The following CDH18 variants were observed in gnomAD, a reference collection of about 807,000 sequenced individuals.
CDH18 encodes cadherin 18.
Under a neutral mutation model 67.9 loss-of-function variants are expected in CDH18, and 31 were observed. That is an observed-to-expected ratio of 0.46 (90% CI 0.34 to 0.62). The LOEUF (loss-of-function observed/expected upper bound fraction) is 0.62. Among genes scored for constraint, CDH18 ranks in the 20% least tolerant of loss-of-function variants. The probability of loss-of-function intolerance (pLI) is 0.01; values close to 1 mark genes in which losing one functional copy is unlikely to be tolerated. For missense variants in CDH18, 890 were observed against 975.5 expected (o/e 0.91, Z 1.17); for synonymous variants, 362 against 347.2 (o/e 1.04, Z -0.48).
intron 1 of CDH18, among the ~76,000 whole-genome samples, chr5:20,393,895 G>T (rs571015945): frequency 6.6e-6 from 1 of 152,048 alleles, no homozygotes; most frequent in Admixed American, 6.6e-5. Flanking sequence ...ACTGCTGAAA[G>T]AAATCATAGA....
At chr5:20,383,622 A>G (rs1022677266) in intron 1 of CDH18, among the ~76,000 whole-genome samples, 7 of 152,254 alleles carry the variant, frequency 4.6e-5, no homozygotes, top group East Asian at 3.9e-4. Flanking sequence ...TGCTTAATTT[A>G]CTATTGTATT....
intron 2 of CDH18, among the ~76,000 whole-genome samples, chr5:19,938,507 A>T (rs1027829530): frequency 6.6e-6 from 1 of 151,546 alleles, no homozygotes; most frequent in African/African-American, 2.4e-5. Flanking sequence ...AGAATAATTA[A>T]GTAAATATTA....
At chr5:20,090,051 G>A (rs1244084989) in intron 2 of CDH18, among the ~76,000 whole-genome samples, 2 of 152,090 alleles carry the variant, frequency 1.3e-5, no homozygotes, top group Non-Finnish European at 2.9e-5. Context: ...CCCTTGGGTA[G>A]TTTAAGAGGG....
At chr5:19,521,272 C>T (rs951656348) in intron 9 of CDH18, among the ~76,000 whole-genome samples, 3 of 152,028 alleles carry the variant, frequency 2.0e-5, no homozygotes, top group East Asian at 1.9e-4. Flanking sequence ...TGTTAAGTCA[C>T]GCTCGGGGAA....
At chr5:20,500,640 G>A (rs972964435) in intron 1 of CDH18, among the ~76,000 whole-genome samples, 4 of 152,076 alleles carry the variant, frequency 2.6e-5, no homozygotes, top group African/African-American at 4.8e-5. Context: ...TGCTGTAAAT[G>A]GATTTAAAGC....
intron 3 of CDH18, among the ~76,000 whole-genome samples, chr5:19,801,296 A>G (rs1176537793): frequency 2.6e-5 from 4 of 152,202 alleles, no homozygotes; most frequent in African/African-American, 9.6e-5. Context: ...CGTATGTTTC[A>G]TTACGTTAAT....
chr5:20,334,753 TAC>T (rs35282241), intron 1 of CDH18, among the ~76,000 whole-genome samples: 7,690 of 138,134 alleles, frequency 0.056, 303 homozygotes, highest in East Asian at 0.15. Flanking sequence ...CTCTCTCTCA[TAC>T]ACACACACAC....
intron 5 of CDH18, among the ~76,000 whole-genome samples, chr5:19,664,663 T>A (rs1449621411): frequency 6.6e-6 from 1 of 151,964 alleles, no homozygotes; most frequent in Non-Finnish European, 1.5e-5. Context: ...CCATCAAAAA[T>A]CCTGGTGCCA....
intron 1 of CDH18, among the ~76,000 whole-genome samples, chr5:20,327,629 A>G (rs529347231): frequency 6.6e-6 from 1 of 152,274 alleles, no homozygotes; most frequent in African/African-American, 2.4e-5. Context: ...TATCCATCCA[A>G]GTGAAAAGAC....
intron 5 of CDH18, among the ~76,000 whole-genome samples, chr5:19,644,001 A>T (rs1754397973): frequency 6.6e-6 from 1 of 152,190 alleles, no homozygotes; most frequent in Admixed American, 6.5e-5. Flanking sequence ...AGTTAAGGGA[A>T]AACATACATA....
intron 2 of CDH18, among the ~76,000 whole-genome samples, chr5:19,928,419 C>T (rs1462448535): frequency 6.6e-6 from 1 of 152,068 alleles, no homozygotes; most frequent in Non-Finnish European, 1.5e-5. Flanking sequence ...GAATTCTACG[C>T]ATGGTCAAGA....
intron 12 of CDH18, among the ~76,000 whole-genome samples, chr5:19,475,244 C>T (rs1738248353): frequency 6.8e-6 from 1 of 147,962 alleles, no homozygotes; most frequent in African/African-American, 2.5e-5. Context: ...AGTAAGCTTA[C>T]ATTCTTATAA....
At chr5:20,350,891 T>C (rs1741115936) in intron 1 of CDH18, among the ~76,000 whole-genome samples, 1 of 152,046 alleles carries the variant, frequency 6.6e-6, no homozygotes, top group African/African-American at 2.4e-5. Flanking sequence ...AGTTTCTTCA[T>C]AATGAAAGAG....
intron 5 of CDH18, among the ~76,000 whole-genome samples, chr5:19,681,274 C>A (rs1394538821): frequency 6.6e-6 from 1 of 151,920 alleles, no homozygotes; most frequent in East Asian, 1.9e-4. Flanking sequence ...TCAAAAACTA[C>A]CTATCAGGTA....
chr5:20,037,496 TAACA>T (rs1739981452), intron 2 of CDH18, among the ~76,000 whole-genome samples: 1 of 152,136 alleles, frequency 6.6e-6, no homozygotes, highest in Admixed American at 6.6e-5. Flanking sequence ...ACAGAAATCA[TAACA>T]AACAGTCCCT....
intron 6 of CDH18, among the ~76,000 whole-genome samples, chr5:19,609,587 G>A (rs1219197785): frequency 6.6e-6 from 1 of 151,906 alleles, no homozygotes; most frequent in African/African-American, 2.4e-5. Flanking sequence ...AAGATAAAGG[G>A]ATAACTAATT....
chr5:20,513,554 A>G (rs1755174315), intron 1 of CDH18, among the ~76,000 whole-genome samples: 1 of 152,176 alleles, frequency 6.6e-6, no homozygotes, highest in South Asian at 2.1e-4. Flanking sequence ...TAACTTCTTT[A>G]ATATCCTAAA....
chr5:19,974,873 G>A (rs1798357039), intron 2 of CDH18, among the ~76,000 whole-genome samples: 1 of 152,126 alleles, frequency 6.6e-6, no homozygotes, highest in South Asian at 2.1e-4. Context: ...ATTATGGATG[G>A]AAGAGGAAAG....
At chr5:20,297,288 C>T (rs763343672) in intron 1 of CDH18, among the ~76,000 whole-genome samples, 30 of 152,194 alleles carry the variant, frequency 2.0e-4, no homozygotes, top group Non-Finnish European at 3.7e-4. Context: ...TCCCTCTGAA[C>T]GAACTAGCCT....
Sources: gnomAD v4.1 joint callset for allele counts (sites outside exome capture counted in the v4.1 genomes callset) on GRCh38, gnomAD v4.1.1 for gene constraint, MANE v1.5 for transcripts, NCBI Gene and HGNC (gene_info 2026-07-23, HGNC 2026-07-21) for gene names.